The following DST variants were observed in gnomAD, a reference collection of about 807,000 sequenced individuals.
DST encodes the protein dystonin, also known as bullous pemphigoid antigen.
Under a neutral mutation model 875.2 loss-of-function variants are expected in DST, and 253 were observed. That is an observed-to-expected ratio of 0.29 (90% CI 0.26 to 0.32). DST has a LOEUF of 0.32. DST is among the 10% of genes least tolerant of loss of function. The pLI is 1.00. For missense variants in DST, 8,287 were observed against 9,111.6 expected, an observed-to-expected ratio of 0.91 and a Z score of 3.68; for synonymous variants, 3,124 against 3,197.1, an observed-to-expected ratio of 0.98 and a Z score of 0.77.
At chr6:56,683,574 T>C (rs185769731) in intron 9 of DST, among the ~76,000 whole-genome samples, 5 of 152,304 alleles carry the variant, frequency 3.3e-5, no homozygotes, top group Non-Finnish European at 7.3e-5. Context: ...CAACGTGACA[T>C]GGCACGTATC....
intron 69 of DST, 141 bp from the exon 70 acceptor site, chr6:56,517,761 T>C (rs1237755226): frequency 2.0e-6 from 2 of 980,490 alleles, no homozygotes; most frequent in East Asian, 5.6e-5. Context: ...AAATAATTCG[T>C]GATAATGACT....
At position 56,477,422 on chromosome 6, in the gene DST, C is replaced by A. The variant is rs760700573; in HGVS notation, c.21598G>T (p.Val7200Phe). The change falls in exon 91 of 104, where the codon GTT becomes TTT. Residue 7200 changes from valine to phenylalanine, a missense_variant. Around this residue, in one of 10 missense-constraint regions of DST, gnomAD observed 1,292 missense variants for 1,552.7 expected, o/e 0.83. Coordinates refer to ENST00000680361, the MANE Select transcript of DST (RefSeq NM_001374736.1). Reference protein sequence around the residue: ...LNKATTMGDTVLAICHPDSIT... With the variant: ...LNKATTMGDTFLAICHPDSIT... ...GAGTCGGGGTGGCAGATAGCCAAAACGGTGTCGCCCATAGTGGTGGCTTTA... is the reference window on the plus strand; with the variant it reads ...GAGTCGGGGTGGCAGATAGCCAAAAAGGTGTCGCCCATAGTGGTGGCTTTA... 4.3e-6 allele frequency: 7 copies of A among 1,613,832 alleles called. No homozygotes were observed. The African/African-American group carries it at 8.0e-5, about 18-fold the overall frequency.
intron 3 of DST, among the ~76,000 whole-genome samples, chr6:56,857,027 T>TA (rs1768229178): frequency 1.3e-5 from 2 of 151,836 alleles, no homozygotes; most frequent in African/African-American, 2.4e-5. Flanking sequence ...TTTTTTTTTT[T>TA]ACGAGACAAG....
At chr6:56,832,689 C>A (rs1168711317) in intron 4 of DST, among the ~76,000 whole-genome samples, 1 of 151,486 alleles carries the variant, frequency 6.6e-6, no homozygotes, top group Admixed American at 6.6e-5. Context: ...TATGCAAAAT[C>A]AAACTCTTAA....
rs747819541 is a variant in DST at position 56,506,488 on chromosome 6, A to C, written c.19419T>G (p.Leu6473=). 11 of 1,613,174 alleles carry C rather than the reference A, an allele frequency of 6.8e-6. No individual in the cohort carries two copies. In the African/African-American group the frequency reaches 8.0e-5, roughly 12 times the overall value. ...GAACGGCAGCCTGCATTGCCTCCTC[A>C]AGTTTGTCAATCCGGTCTTTCCAAG... is the stretch of plus-strand genomic sequence containing the variant. ...NKAWKDRIDK[L]EEAMQAAVQY... Residue 6473 remains leucine, a synonymous_variant, in exon 77 of 104, where the codon CTT becomes CTG. Coordinates refer to ENST00000680361, the MANE Select transcript of DST (RefSeq NM_001374736.1).
intron 63 of DST, among the ~76,000 whole-genome samples, chr6:56,534,384 T>G (rs1415083548): frequency 6.6e-6 from 1 of 152,188 alleles, no homozygotes; most frequent in East Asian, 1.9e-4. Context: ...TGGTATTAAA[T>G]ACTTCATACC....
chr6:56,618,134 T>C (rs1466771398), intron 36 of DST: 1 of 1,614,198 alleles, frequency 6.2e-7, no homozygotes, highest in South Asian at 1.1e-5. Context: ...AAAAGTTATC[T>C]GTAACTCGGT....
chr6:56,586,141 T>C, intron 49 of DST, among the ~76,000 whole-genome samples: 1 of 151,954 alleles, frequency 6.6e-6, no homozygotes, highest in Non-Finnish European at 1.5e-5. Context: ...GTTCAATTCC[T>C]GGGTATCCTT....
chr6:56,574,839 A>G (rs536623110), intron 50 of DST, among the ~76,000 whole-genome samples: 23 of 152,148 alleles, frequency 1.5e-4, no homozygotes, highest in Non-Finnish European at 3.1e-4. Context: ...TATTTTAATT[A>G]TTTCTGAATG....
At chr6:56,614,513 T>C (rs560151305) in intron 36 of DST, 29 bp from the exon 37 acceptor site, 42 of 1,560,710 alleles carry the variant, frequency 2.7e-5, no homozygotes, top group South Asian at 3.7e-5. Context: ...AAGAAAAATA[T>C]ACACTGCATT....
intron 4 of DST, among the ~76,000 whole-genome samples, chr6:56,828,984 T>A (rs1322014775): frequency 3.3e-5 from 5 of 152,158 alleles, no homozygotes; most frequent in Non-Finnish European, 7.4e-5. Flanking sequence ...CAGTCCCTAG[T>A]CTTGAAGCTG....
chr6:56,704,412 T>G, intron 5 of DST, 43 bp from the exon 6 acceptor site: 1 of 875,124 alleles, frequency 1.1e-6, no homozygotes, highest in South Asian at 1.6e-5. Flanking sequence ...GAACTCAGAA[T>G]TATCCTTAAC....
chr6:56,460,375 G>C (rs1383959955), intron 102 of DST, 121 bp from the exon 103 acceptor site: 1 of 971,698 alleles, frequency 1.0e-6, no homozygotes, highest in African/African-American at 1.6e-5. Flanking sequence ...GAGGTGAAGG[G>C]GGAGAAACTC....
chr6:56,525,235 G>GA (rs2096776591), intron 69 of DST, among the ~76,000 whole-genome samples: 1 of 151,924 alleles, frequency 6.6e-6, no homozygotes, highest in Admixed American at 6.6e-5. Context: ...ACATTTCAGT[G>GA]AAAAAAATAT....
chr6:56,953,716 T>C (rs1392475992), intron 2 of DST, 69 bp downstream of exon 2: 2 of 1,140,812 alleles, frequency 1.8e-6, no homozygotes, highest in East Asian at 5.8e-5. Context: ...TTAACACGCA[T>C]ATAATTAATA....
chr6:56,674,445 G>A (rs867435141), intron 9 of DST, among the ~76,000 whole-genome samples: 10 of 152,064 alleles, frequency 6.6e-5, no homozygotes, highest in South Asian at 6.2e-4. Flanking sequence ...CTACAGGCAT[G>A]TGCTAACATA....
intron 4 of DST, among the ~76,000 whole-genome samples, chr6:56,793,867 G>T (rs538519543): frequency 6.6e-6 from 1 of 152,282 alleles, no homozygotes; most frequent in Non-Finnish European, 1.5e-5. Flanking sequence ...GAATGAAAAT[G>T]AGTTATAATT....
rs754782662 is a variant in DST, at chr6:56,608,604, T to C, written c.6024A>G (p.Glu2008=). The C allele has an allele frequency of 1.1e-5, 18 of 1,613,456 alleles. No individual in the cohort carries two copies. In the South Asian group the frequency reaches 1.2e-4, roughly 11 times the overall value. ...CAATCACCCCTTCTCTGACAGCTTC[T>C]TCAACAGTCATTCTTTGGCCAGAGT... is the stretch of plus-strand genomic sequence containing the variant. ...NSNSGQRMTV[E]EAVREGVIDR... is the part of the protein sequence containing the mutation. The change falls in exon 40 of 104, where the codon GAA becomes GAG. Residue 2008 remains glutamate (E), a synonymous_variant. Transcript: ENST00000680361.
intron 2 of DST, among the ~76,000 whole-genome samples, chr6:56,938,401 A>C (rs1018915827): frequency 3.3e-5 from 5 of 152,064 alleles, no homozygotes; most frequent in African/African-American, 1.2e-4. Context: ...TGGGATTACA[A>C]GTATGAGCCA....
Sources: allele counts gnomAD v4.1 joint callset (sites outside exome capture counted in the v4.1 genomes callset), GRCh38; gene constraint gnomAD v4.1.1; regional missense constraint gnomAD v4.1.1; transcripts MANE v1.5; gene names NCBI Gene and HGNC (gene_info 2026-07-23, HGNC 2026-07-21).